HELZ: variants seen among roughly 807,000 people sequenced by gnomAD.
The protein encoded by HELZ is ATP-dependent RNA helicase with zinc finger domain.
Under a neutral mutation model 218.2 loss-of-function variants are expected in HELZ, and 23 were observed. The ratio of observed to expected loss-of-function variants is 0.11; its 90% CI spans 0.08 to 0.15. HELZ has a LOEUF of 0.15. Among genes scored for constraint, HELZ ranks in the 10% least tolerant of loss-of-function variants. The pLI is 1.00. For synonymous variants in HELZ, 814 were observed against 829.4 expected, an observed-to-expected ratio of 0.98 and a Z score of 0.32; for missense variants, 1,813 against 2,353.7, an observed-to-expected ratio of 0.77 and a Z score of 4.75.
intron 31 of HELZ, among the ~76,000 whole-genome samples, chr17:67,098,310 C>G (rs940616327): frequency 2.0e-5 from 3 of 152,138 alleles, no homozygotes; most frequent in African/African-American, 4.8e-5. Context: ...ATCTTTGTGC[C>G]TCGGTTTCCT....
rs1598237212 is a variant in HELZ at position 67,108,840 on chromosome 17, G to C, written c.4490-114C>G. On this transcript the variant is annotated intron_variant, in intron 29 of 32. Coordinates refer to ENST00000358691, the MANE Select transcript of HELZ (RefSeq NM_014877.4). This position sits in a 1 kb window ranked among gnomAD's most constrained non-coding sequence, Gnocchi z 4.1. Reference sequence around the variant, plus strand: ...AGACAAAGGACGTAGCTACAAATTTGGTTTTGGTAAGAAGTAAATGTTTTC... The same window carrying C: ...AGACAAAGGACGTAGCTACAAATTTCGTTTTGGTAAGAAGTAAATGTTTTC... The C allele has an allele frequency of 2.7e-5, 24 of 878,668 alleles. No homozygotes were observed. The East Asian group carries it at 6.1e-4, about 22-fold the overall frequency. 54.4% of individuals were successfully genotyped at this position (878,668 alleles called of 1,614,324 possible).
intron 13 of HELZ, among the ~76,000 whole-genome samples, chr17:67,170,410 G>A (rs1433167290): frequency 1.3e-5 from 2 of 152,190 alleles, no homozygotes; most frequent in African/African-American, 2.4e-5. Context: ...GGCTACTTGG[G>A]AGGCTGAGGC....
At chr17:67,091,940 G>A (rs2036585031) in intron 31 of HELZ, among the ~76,000 whole-genome samples, 1 of 152,128 alleles carries the variant, frequency 6.6e-6, no homozygotes, top group Non-Finnish European at 1.5e-5. Context: ...CAGTTTGGTG[G>A]ATCAGTACAG....
intron 13 of HELZ, among the ~76,000 whole-genome samples, chr17:67,170,912 T>C (rs192073237): frequency 1.9e-4 from 29 of 152,158 alleles, no homozygotes; most frequent in African/African-American, 6.3e-4. Context: ...TTACTACCTA[T>C]ATAATATGCA....
Position 67,109,591 on chromosome 17 carries a change from G to A in HELZ, c.4014C>T (p.Asn1338=). The A allele has an allele frequency of 6.2e-7, 1 of 1,614,164 alleles. No individual in the cohort carries two copies. The highest frequency in any genetic ancestry group is 8.5e-7 in the Non-Finnish European group (1 of 1,180,012). ...STKFPRKDNL[N]PRHINLPLPA... ...GAAGGGGAAGATTTATGTGTCTTGGGTTGAGATTATCTTTGCGAGGAAATT... is the reference window on the plus strand; with the variant it reads ...GAAGGGGAAGATTTATGTGTCTTGGATTGAGATTATCTTTGCGAGGAAATT... The change falls in exon 29 of 33, where the codon AAC becomes AAT. Residue 1338 remains asparagine, a synonymous_variant. Transcript: ENST00000358691.
chr17:67,168,511 A>G (rs2039216075), intron 13 of HELZ, among the ~76,000 whole-genome samples: 1 of 152,248 alleles, frequency 6.6e-6, no homozygotes, highest in African/African-American at 2.4e-5. Context: ...AACACATTGC[A>G]TTGAAAATTA....
At chr17:67,215,183 A>C (rs900688099) in intron 5 of HELZ, among the ~76,000 whole-genome samples, 2 of 152,018 alleles carry the variant, frequency 1.3e-5, no homozygotes, top group Non-Finnish European at 2.9e-5. Context: ...ATTACTAAAG[A>C]GCATTCTAGC....
intron 3 of HELZ, among the ~76,000 whole-genome samples, chr17:67,219,423 C>T (rs2040686926): frequency 6.6e-6 from 1 of 152,216 alleles, no homozygotes; most frequent in Admixed American, 6.5e-5. Context: ...AACTCAGATT[C>T]TAGCAAGACA....
chr17:67,096,183 G>A (rs78930682), intron 31 of HELZ, among the ~76,000 whole-genome samples: 7,415 of 148,502 alleles, frequency 0.05, 641 homozygotes, highest in African/African-American at 0.18. Flanking sequence ...TCAATAGTGG[G>A]TTTAAAACAT....
chr17:67,218,663 A>G lies in HELZ; in HGVS notation c.142T>C (p.Cys48Arg), dbSNP rs2302669. Residue 48 changes from cysteine to arginine, a missense_variant, in exon 4 of 33, where the codon TGT (cysteine) becomes CGT (arginine). Physicochemically the swap from Cys to Arg is radical, Grantham distance 180. This residue lies in a region of HELZ where 714 missense variants were observed against 1,029.2 expected (regional missense o/e 0.69). Transcript: ENST00000358691. The stretch of plus-strand genomic sequence containing the variant: ...TTGATGCGTTCTATTTCCAATGGAC[A>G]AGGCCCTGTGAAGTCTGCCATGGAG... ...QYSMADFTGP[C>R]PLEIERIKIE... is the part of the protein sequence containing the mutation. 516 of 1,614,238 alleles carry G rather than the reference A, an allele frequency of 3.2e-4. 6 individuals are homozygous for G. The East Asian group carries it at 0.01, about 33-fold the overall frequency.
intron 32 of HELZ, among the ~76,000 whole-genome samples, chr17:67,079,536 A>C (rs2036123336): frequency 6.6e-6 from 1 of 152,190 alleles, no homozygotes; most frequent in South Asian, 2.1e-4. Context: ...CTAGGTGTAC[A>C]ATGGGATGTA....
chr17:67,094,190 C>T (rs2036661786), intron 31 of HELZ, among the ~76,000 whole-genome samples: 1 of 152,126 alleles, frequency 6.6e-6, no homozygotes, highest in East Asian at 1.9e-4. Flanking sequence ...GGTGTGGTGG[C>T]ATGCATCTGT....
Position 67,101,623 on chromosome 17 carries a change from A to C in HELZ, c.5241+5546T>G, listed in dbSNP as rs549606484. Among the ~76,000 whole-genome samples, 3 of 152,272 alleles carry C rather than the reference A, an allele frequency of 2.0e-5. No individual in the cohort carries two copies. The South Asian group carries it at 6.2e-4, about 32-fold the overall frequency. On this transcript the variant is annotated intron_variant, in intron 31 of 32. Transcript: ENST00000358691. Reference sequence around the variant, plus strand: ...TAAAAATTACCTTTGAAAAATCCTTAATCATGCCAAAATTACTAAAAACTG... The same window carrying C: ...TAAAAATTACCTTTGAAAAATCCTTCATCATGCCAAAATTACTAAAAACTG...
rs2037438475 is a variant in HELZ, at chr17:67,116,719, TGA to T, written c.3839-2318_3839-2317del. 2.0e-5 allele frequency among the ~76,000 whole-genome samples: 3 copies of T among 152,172 alleles called. No individual in the cohort carries two copies. The South Asian group carries it at 6.2e-4, about 32-fold the overall frequency. On this transcript the variant is annotated intron_variant, in intron 27 of 32. Transcript: ENST00000358691. ...CAAGAACTCACAGAACTTAGAAACC[TGA>T]ACATTGAAAATTAGACAAATACCAA...
chr17:67,120,350 TA>T, intron 27 of HELZ, 54 bp downstream of exon 27: 1 of 1,433,760 alleles, frequency 7.0e-7, no homozygotes, highest in Non-Finnish European at 9.8e-7. Context: ...TCTATGTGGC[TA>T]AAACTTTACC....
At chr17:67,079,759 C>G (rs1383126254) in intron 32 of HELZ, among the ~76,000 whole-genome samples, 1 of 152,174 alleles carries the variant, frequency 6.6e-6, no homozygotes, top group Non-Finnish European at 1.5e-5. Flanking sequence ...AAATAATTAT[C>G]TTGTTGTGGT....
At position 67,203,315 on chromosome 17, in the gene HELZ, A is replaced by G. The variant is rs370088569; in HGVS notation, c.372+4T>C. On this transcript the variant is annotated splice_donor_region_variant and intron_variant, in intron 6 of 32. Coordinates refer to ENST00000358691, the MANE Select transcript of HELZ (RefSeq NM_014877.4). ...GCATACAAAATTAGAGCTTATCAAC[A>G]TACCAGGGACTCTCCTGTGAGTGAC... 3 of 1,613,670 alleles carry G rather than the reference A, an allele frequency of 1.9e-6. No homozygotes were observed. In the African/African-American group the frequency reaches 4.0e-5, roughly 22 times the overall value.
intron 12 of HELZ, among the ~76,000 whole-genome samples, chr17:67,183,883 C>T (rs1466522974): frequency 6.6e-6 from 1 of 151,266 alleles, no homozygotes; most frequent in Non-Finnish European, 1.5e-5. Context: ...AAAAGCAAAA[C>T]TAAAGTCACT....
chr17:67,126,500 T>C lies in HELZ; in HGVS notation c.3387+2151A>G, dbSNP rs116842534. 1.9e-3 allele frequency among the ~76,000 whole-genome samples: 295 copies of C among 152,296 alleles called. 6 individuals are homozygous for C. The East Asian group carries it at 0.042, about 22-fold the overall frequency. ...GACTTAGCAAGAAACCATAGAACAG[T>C]AAATTTACTTAGTTTATATAAAATA... On this transcript the variant is annotated intron_variant, in intron 24 of 32. Coordinates refer to ENST00000358691, the MANE Select transcript of HELZ (RefSeq NM_014877.4).
Sources: allele counts gnomAD v4.1 joint callset (sites outside exome capture counted in the v4.1 genomes callset), GRCh38; gene constraint gnomAD v4.1.1; regional missense constraint gnomAD v4.1.1; non-coding constraint Gnocchi (gnomAD v3.1); transcripts MANE v1.5; gene names NCBI Gene and HGNC (gene_info 2026-07-23, HGNC 2026-07-21).